Variants in SYTL5 observed in about 807,000 individuals in gnomAD.
SYTL5 encodes the protein synaptotagmin like 5, also known as synaptotagmin-like protein 5.
A neutral mutation model predicts 55.9 loss-of-function variants in SYTL5; 34 were observed. That is an observed-to-expected ratio of 0.61 (90% CI 0.46 to 0.81). SYTL5 has a LOEUF of 0.81. Ranked by LOEUF, SYTL5 falls within the 30% of genes least tolerant of loss-of-function variation. The pLI, the probability that SYTL5 is intolerant of heterozygous loss-of-function variation, is 0.00. For missense variants in SYTL5, 637 were observed against 546.7 expected, an observed-to-expected ratio of 1.17 and a Z score of -1.65; for synonymous variants, 221 against 188.7, an observed-to-expected ratio of 1.17 and a Z score of -1.40.
intron 1 of SYTL5, among the ~76,000 whole-genome samples, chrX:38,019,671 C>T (rs12010765): frequency 0.032 from 3,514 of 111,025 alleles, 135 homozygotes; most frequent in African/African-American, 0.11. Flanking sequence ...ACTCTGTCGC[C>T]CAGGCTGGAG....
the SYTL5 span, among the ~76,000 whole-genome samples, chrX:37,900,753 A>G: frequency 2.1e-3 from 238 of 111,062 alleles, 1 homozygote; most frequent in African/African-American, 7.5e-3. Flanking sequence ...TGCTTGGATC[A>G]TGTGTCCATC....
chrX:37,960,733 AT>A, the SYTL5 span, among the ~76,000 whole-genome samples: 3 of 104,950 alleles, frequency 2.9e-5, no homozygotes, highest in African/African-American at 3.6e-5. Flanking sequence ...CAATGCAGGT[AT>A]TTTTTTTTCC....
chrX:38,008,568 G>T (rs1012910), intron 1 of SYTL5, among the ~76,000 whole-genome samples: 39,238 of 110,476 alleles, frequency 0.36, 5,152 homozygotes, highest in Middle Eastern at 0.45. Context: ...GCTCCTAGAG[G>T]AACAAAATAT....
intron 13 of SYTL5, among the ~76,000 whole-genome samples, chrX:38,114,030 C>T (rs924571222): frequency 1.3e-4 from 14 of 109,543 alleles, no homozygotes; most frequent in African/African-American, 4.7e-4. Context: ...CATCCTTAAG[C>T]CTCCTTCACT....
the SYTL5 span, chrX:37,946,767 G>C: frequency 8.6e-6 from 1 of 116,704 alleles, no homozygotes; most frequent in Admixed American, 9.5e-5. Context: ...TTGAGAAAAA[G>C]CTGAATAAAT....
chrX:38,102,311 C>A, intron 9 of SYTL5, 31 bp from the exon 10 acceptor site: 1 of 1,006,696 alleles, frequency 9.9e-7, no homozygotes, highest in Non-Finnish European at 1.4e-6. Flanking sequence ...ACAAATCAAC[C>A]AACCCACTGA....
intron 6 of SYTL5, among the ~76,000 whole-genome samples, chrX:38,080,065 G>A (rs893848037): frequency 9.0e-6 from 1 of 111,119 alleles, no homozygotes; most frequent in Non-Finnish European, 1.9e-5. Flanking sequence ...ATAGGGGTGA[G>A]GGGGAGACAA....
At chrX:37,913,641 C>T in the SYTL5 span, among the ~76,000 whole-genome samples, 1 of 112,051 alleles carries the variant, frequency 8.9e-6, no homozygotes, top group African/African-American at 3.2e-5. Context: ...GAGTTAAAGG[C>T]CCAAGAGCCA....
chrX:38,005,833 C>A (rs943648596), upstream of SYTL5, among the ~76,000 whole-genome samples: 2 of 111,840 alleles, frequency 1.8e-5, no homozygotes, highest in Non-Finnish European at 3.8e-5. Flanking sequence ...GGGTTCCCCA[C>A]TGTAGCTAAA....
chrX:38,101,012 G>A, intron 9 of SYTL5, among the ~76,000 whole-genome samples: 2 of 111,020 alleles, frequency 1.8e-5, no homozygotes, highest in Middle Eastern at 9.2e-3. Context: ...CAATATAAAT[G>A]AACAGGCTAC....
At chrX:38,040,639 T>G (rs1005525802) in intron 2 of SYTL5, among the ~76,000 whole-genome samples, 1 of 111,801 alleles carries the variant, frequency 8.9e-6, no homozygotes, top group African/African-American at 3.3e-5. Flanking sequence ...CCATCCATGT[T>G]GTTGCAAATG....
the SYTL5 span, among the ~76,000 whole-genome samples, chrX:37,965,750 A>G: frequency 9.0e-6 from 1 of 111,670 alleles, no homozygotes; most frequent in African/African-American, 3.3e-5. Context: ...TTTTCCTTTC[A>G]GTTATGTGAA....
chrX:38,057,222 C>T (rs1935814121), intron 3 of SYTL5, among the ~76,000 whole-genome samples: 1 of 111,670 alleles, frequency 9.0e-6, no homozygotes, highest in Non-Finnish European at 1.9e-5. Flanking sequence ...TTTCCCAGCA[C>T]CACTTGTTGA....
chrX:38,091,537 G>A (rs1936799516), intron 7 of SYTL5, among the ~76,000 whole-genome samples: 1 of 111,170 alleles, frequency 9.0e-6, no homozygotes, highest in South Asian at 3.8e-4. Context: ...AGTATGCGGG[G>A]GCCCTTCTAT....
At chrX:38,073,803 G>A (rs1022443852) in intron 5 of SYTL5, 105 bp downstream of exon 5, 22 of 466,776 alleles carry the variant, frequency 4.7e-5, no homozygotes, top group African/African-American at 4.0e-4. Context: ...ATGACCCAGA[G>A]GAGGTCAGAG....
chrX:38,081,994 C>T (rs1039460433), intron 6 of SYTL5, among the ~76,000 whole-genome samples: 3 of 111,649 alleles, frequency 2.7e-5, no homozygotes, highest in Non-Finnish European at 5.7e-5. Flanking sequence ...CTACAACCTC[C>T]CTCCCAAACT....
chrX:37,995,105 TAA>T, the SYTL5 span, among the ~76,000 whole-genome samples: 34 of 109,410 alleles, frequency 3.1e-4, no homozygotes, highest in East Asian at 3.2e-3. Flanking sequence ...CTGGCTGGGA[TAA>T]AGACGCCGAG....
the SYTL5 span, among the ~76,000 whole-genome samples, chrX:37,926,543 T>C: frequency 9.0e-6 from 1 of 111,291 alleles, no homozygotes; most frequent in Non-Finnish European, 1.9e-5. Context: ...TTAAGTAAAA[T>C]TTTAATCAAA....
chrX:38,026,187 G>C (rs1165775662), intron 1 of SYTL5, among the ~76,000 whole-genome samples: 1 of 112,358 alleles, frequency 8.9e-6, no homozygotes, highest in Non-Finnish European at 1.9e-5. Context: ...TTGGAGTCTG[G>C]ATGGGCACTG....
Sources: gnomAD v4.1 joint callset for allele counts (sites outside exome capture counted in the v4.1 genomes callset) on GRCh38, gnomAD v4.1.1 for gene constraint, MANE v1.5 for transcripts, NCBI Gene and HGNC (gene_info 2026-07-23, HGNC 2026-07-21) for gene names.